DUX4: variants seen among roughly 807,000 people sequenced by gnomAD.
DUX4 encodes double homeobox 4.
downstream of DUX4, among the ~76,000 whole-genome samples, chr4:190,177,913 G>A (rs1742394940): frequency 0.037 from 992 of 26,838 alleles, no homozygotes; most frequent in African/African-American, 0.14. Flanking sequence ...CATCACCTGG[G>A]TGATCAGTGT....
chr4:190,179,795 A>AG (rs1213740323), downstream of DUX4, among the ~76,000 whole-genome samples: 221 of 145,906 alleles, frequency 1.5e-3, no homozygotes, highest in East Asian at 0.011. Context: ...CCCTGTAGGC[A>AG]AGCCTACACA....
chr4:190,177,865 T>TCATAAATCC (rs1742391409), downstream of DUX4, among the ~76,000 whole-genome samples: 9 of 150,620 alleles, frequency 6.0e-5, no homozygotes, highest in East Asian at 2.0e-4. Context: ...CAGAGATATG[T>TCATAAATCC]CACAATGTCC....
At chr4:190,177,803 G>A (rs1742387061), downstream of DUX4, among the ~76,000 whole-genome samples, 208 of 138,030 alleles carry the variant, frequency 1.5e-3, no homozygotes, top group South Asian at 6.4e-3. Context: ...ATGTCACAAT[G>A]CCCCCTTTTG....
intron 1 of DUX4, among the ~76,000 whole-genome samples, chr4:190,181,261 G>A (rs1579837081): frequency 9.7e-3 from 1,188 of 122,862 alleles, no homozygotes; most frequent in Middle Eastern, 0.013. Flanking sequence ...TGTCACCTGG[G>A]TGATCAGTGC....
downstream of DUX4, among the ~76,000 whole-genome samples, chr4:190,179,810 T>G (rs1579836031): frequency 5.6e-5 from 1 of 17,848 alleles, no homozygotes; most frequent in African/African-American, 3.9e-4. Context: ...TACACAAGTA[T>G]TACATCACTT....
chr4:190,182,387 TGGTTAGGGTTAG>T (rs1742613689), intron 1 of DUX4, among the ~76,000 whole-genome samples: 827 of 32,516 alleles, frequency 0.025, no homozygotes, highest in East Asian at 0.068. Flanking sequence ...TTAGGGTTAC[TGGTTAGGGTTAG>T]GGGTTAGGGT....
chr4:190,180,136 G>A (rs1579836571), downstream of DUX4, among the ~76,000 whole-genome samples: 4 of 42,404 alleles, frequency 9.4e-5, no homozygotes, highest in South Asian at 5.9e-4. Flanking sequence ...CCAGTAGGCA[G>A]AGCCTAGAGA....
chr4:190,179,388 G>A (rs1579835437), downstream of DUX4, among the ~76,000 whole-genome samples: 1 of 150,202 alleles, frequency 6.7e-6, no homozygotes, highest in Admixed American at 6.7e-5. Context: ...CCTGTAGGCA[G>A]AGCCTTGACA....
chr4:190,181,239 A>AACACAACAGTCTGCCACCTGGGTGATC (rs1579837024), intron 1 of DUX4, among the ~76,000 whole-genome samples: 2 of 151,266 alleles, frequency 1.3e-5, no homozygotes, highest in African/African-American at 2.4e-5. Context: ...AGGCAAATCC[A>AACACAACAGTCTGCCACCTGGGTGATC]AGACAAGAGT....
chr4:190,181,636 GT>G (rs1742588100), intron 1 of DUX4, among the ~76,000 whole-genome samples: 2 of 8,828 alleles, frequency 2.3e-4, no homozygotes, highest in Non-Finnish European at 3.8e-4. Context: ...AAAGCCCCCT[GT>G]AGGCAGAGCC....
downstream of DUX4, among the ~76,000 whole-genome samples, chr4:190,177,904 A>C (rs1742394607): frequency 3.6e-4 from 24 of 66,518 alleles, no homozygotes; most frequent in South Asian, 5.2e-4. Context: ...CAAAAGTGAC[A>C]TCACCTGGGT....
downstream of DUX4, among the ~76,000 whole-genome samples, chr4:190,177,884 A>AGAGCATAG (rs1742393394): frequency 9.0e-5 from 1 of 11,126 alleles, no homozygotes; most frequent in Non-Finnish European, 2.0e-4. Flanking sequence ...CCCTGTAGCC[A>AGAGCATAG]TATCCTTGAC....
At chr4:190,178,172 G>GTGTTACATCACCTACGTGATC, downstream of DUX4, among the ~76,000 whole-genome samples, 1 of 6,948 alleles carries the variant, frequency 1.4e-4, no homozygotes, top group East Asian at 5.1e-3. Flanking sequence ...GACTAGAAAA[G>GTGTTACATCACCTACGTGATC]AGTTACATTA....
downstream of DUX4, chr4:190,175,924 A>G (rs1321158838): frequency 3.2e-5 from 4 of 125,042 alleles, 2 homozygotes; most frequent in Non-Finnish European, 6.9e-5. Flanking sequence ...ATTGATTTAC[A>G]GAACTTCGGT....
At chr4:190,183,987 C>T (rs1398274369) in intron 1 of DUX4, among the ~76,000 whole-genome samples, 1,957 of 121,184 alleles carry the variant, frequency 0.016, 25 homozygotes, top group African/African-American at 0.046. Flanking sequence ...CACACACAGG[C>T]TGGCTCTGGG....
downstream of DUX4, among the ~76,000 whole-genome samples, chr4:190,178,302 ACAGAGAAGAG>A (rs1742416824): frequency 8.2e-5 from 6 of 72,732 alleles, no homozygotes; most frequent in Non-Finnish European, 1.3e-4. Context: ...TAGGCAGAGC[ACAGAGAAGAG>A]TTGCACCACC....
intron 1 of DUX4, among the ~76,000 whole-genome samples, chr4:190,181,308 A>AGGCAAATCC (rs1742563779): frequency 3.8e-5 from 3 of 78,692 alleles, no homozygotes; most frequent in South Asian, 5.0e-4. Flanking sequence ...GGCAGAGCCT[A>AGGCAAATCC]AAGAAGAGTC....
downstream of DUX4, among the ~76,000 whole-genome samples, chr4:190,178,579 AGAC>A (rs1742435030): frequency 6.6e-6 from 1 of 152,206 alleles, no homozygotes; most frequent in Admixed American, 6.5e-5. Context: ...GGCAGAGGGT[AGAC>A]AAGAGTTACA....
At chr4:190,179,628 T>A (rs1742506678), downstream of DUX4, among the ~76,000 whole-genome samples, 52 of 144,912 alleles carry the variant, frequency 3.6e-4, no homozygotes, top group East Asian at 1.0e-3. Context: ...GGGAGATCAG[T>A]GCAGAGATAT....
Sources: allele counts gnomAD v4.1 joint callset (sites outside exome capture counted in the v4.1 genomes callset), GRCh38; gene constraint gnomAD v4.1.1; transcripts MANE v1.5; gene names NCBI Gene and HGNC (gene_info 2026-07-23, HGNC 2026-07-21).